Variants in ZBTB20 observed in about 807,000 individuals in gnomAD.
ZBTB20 encodes zinc finger and BTB domain-containing protein 20.
ZBTB20 carries 9 observed loss-of-function variants against 56.9 expected under a neutral mutation model. The ratio of observed to expected loss-of-function variants is 0.16; its 90% CI spans 0.10 to 0.28. ZBTB20 has a LOEUF of 0.28. Among genes scored for constraint, ZBTB20 ranks in the 10% least tolerant of loss-of-function variants. ZBTB20 has a pLI of 1.00. For missense variants in ZBTB20, 655 were observed against 1,003.0 expected (o/e 0.65, Z 4.69); for synonymous variants, 417 against 420.7 (o/e 0.99, Z 0.11).
chr3:114,887,377 C>T (rs1022048939), intron 4 of ZBTB20, among the ~76,000 whole-genome samples: 2 of 152,144 alleles, frequency 1.3e-5, no homozygotes, highest in Non-Finnish European at 2.9e-5. Flanking sequence ...ATTTCATGTT[C>T]ACCTGGAACC....
chr3:114,878,472 T>TA (rs1271306693), intron 4 of ZBTB20, among the ~76,000 whole-genome samples: 1 of 151,462 alleles, frequency 6.6e-6, no homozygotes, highest in African/African-American at 2.4e-5. Flanking sequence ...AGGGAAATGG[T>TA]AAAATAGATG....
At chr3:114,423,120 A>G (rs1034327580) in intron 7 of ZBTB20, among the ~76,000 whole-genome samples, 1 of 152,186 alleles carries the variant, frequency 6.6e-6, no homozygotes, top group African/African-American at 2.4e-5. Flanking sequence ...GATTTAACCA[A>G]TGTCTAAACT....
chr3:114,981,239 C>A (rs901995196), intron 2 of ZBTB20, among the ~76,000 whole-genome samples: 2 of 151,920 alleles, frequency 1.3e-5, no homozygotes, highest in Non-Finnish European at 2.9e-5. Context: ...CATACAGTAA[C>A]CCCCAGGACA....
At chr3:114,496,741 A>G (rs1476403473) in intron 7 of ZBTB20, among the ~76,000 whole-genome samples, 2 of 152,368 alleles carry the variant, frequency 1.3e-5, no homozygotes, top group Non-Finnish European at 2.9e-5. Context: ...ATAAGTTGCA[A>G]TTCAGTTCAA....
chr3:115,019,633 T>C (rs2080124946), intron 2 of ZBTB20, among the ~76,000 whole-genome samples: 1 of 151,250 alleles, frequency 6.6e-6, no homozygotes, highest in Admixed American at 6.6e-5. Context: ...AAAAGTTATA[T>C]TACAAAATTA....
At chr3:115,018,874 T>C (rs1046621789) in intron 2 of ZBTB20, among the ~76,000 whole-genome samples, 1 of 151,298 alleles carries the variant, frequency 6.6e-6, no homozygotes, top group African/African-American at 2.4e-5. Context: ...TGCAGTAAAT[T>C]GGTAGTGAAT....
At chr3:114,342,402 A>G (rs1283769653) in intron 11 of ZBTB20, among the ~76,000 whole-genome samples, 1 of 152,190 alleles carries the variant, frequency 6.6e-6, no homozygotes, top group East Asian at 1.9e-4. Context: ...GATTTGTCAG[A>G]AGGGGACACA....
chr3:114,829,452 T>C (rs1046199273), intron 4 of ZBTB20, among the ~76,000 whole-genome samples: 3 of 151,894 alleles, frequency 2.0e-5, no homozygotes, highest in African/African-American at 7.2e-5. Context: ...TATATTAATC[T>C]CTGTATCACA....
chr3:114,363,817 G>A (rs976138847), intron 10 of ZBTB20, among the ~76,000 whole-genome samples: 1 of 152,226 alleles, frequency 6.6e-6, no homozygotes, highest in Non-Finnish European at 1.5e-5. Flanking sequence ...CAGACACTGA[G>A]TCTGACACAC....
chr3:114,341,596 A>G (rs1184626405), intron 11 of ZBTB20, among the ~76,000 whole-genome samples: 1 of 152,068 alleles, frequency 6.6e-6, no homozygotes, highest in Non-Finnish European at 1.5e-5. Context: ...TGAAGACTTT[A>G]TTTTCACACT....
intron 6 of ZBTB20, among the ~76,000 whole-genome samples, chr3:114,563,691 A>C (rs2052372933): frequency 6.6e-6 from 1 of 152,208 alleles, no homozygotes; most frequent in Non-Finnish European, 1.5e-5. Context: ...ATAGGGTTGA[A>C]CTTGCCCATG....
chr3:114,790,766 T>A (rs555293365), intron 5 of ZBTB20, among the ~76,000 whole-genome samples: 2 of 151,762 alleles, frequency 1.3e-5, no homozygotes, highest in South Asian at 4.2e-4. Flanking sequence ...AGGGGAGACA[T>A]AACAGTAAGT....
At chr3:114,629,025 C>A (rs2058791295) in intron 6 of ZBTB20, among the ~76,000 whole-genome samples, 1 of 152,118 alleles carries the variant, frequency 6.6e-6, no homozygotes, top group Non-Finnish European at 1.5e-5. Flanking sequence ...TTGATGAAAA[C>A]CAACAAAAAC....
chr3:114,864,078 T>TA (rs2107504730), intron 4 of ZBTB20, among the ~76,000 whole-genome samples: 1 of 152,216 alleles, frequency 6.6e-6, no homozygotes, highest in South Asian at 2.1e-4. Context: ...AATCAAGAAC[T>TA]AGATACAGGT....
chr3:114,612,137 G>C (rs1181912944), intron 6 of ZBTB20, among the ~76,000 whole-genome samples: 1 of 152,052 alleles, frequency 6.6e-6, no homozygotes, highest in Non-Finnish European at 1.5e-5. Flanking sequence ...CTTTCCAAAA[G>C]ACCTTTTATT....
rs569490001 is a variant in ZBTB20 at position 114,659,717 on chromosome 3, T to G, written c.-295+33811A>C. 1.5e-4 allele frequency among the ~76,000 whole-genome samples: 23 copies of G among 152,296 alleles called. 1 individual carries two copies. Among genetic ancestry groups the G allele is most frequent in the South Asian group, 6.2e-4 (3 of 4,822 alleles). On this transcript the variant is annotated intron_variant, in intron 6 of 11. Transcript: ENST00000675478. The stretch of plus-strand genomic sequence containing the variant: ...GTTTGAAAACGAAGGCATTTTTCTT[T>G]TAGGGAGAACAGTCTTTCAGTGATT...
At chr3:114,538,573 T>A (rs1055080714) in intron 6 of ZBTB20, among the ~76,000 whole-genome samples, 6 of 152,134 alleles carry the variant, frequency 3.9e-5, no homozygotes, top group Non-Finnish European at 7.4e-5. Flanking sequence ...CTACTCTATT[T>A]CACAGTAATA....
At chr3:114,362,124 T>G (rs1184975520) in intron 10 of ZBTB20, among the ~76,000 whole-genome samples, 1 of 152,216 alleles carries the variant, frequency 6.6e-6, no homozygotes, top group Non-Finnish European at 1.5e-5. Context: ...TTTAATTTTC[T>G]TTAGAAAAAT....
intron 1 of ZBTB20, among the ~76,000 whole-genome samples, chr3:115,142,640 C>T (rs1029684668): frequency 1.4e-5 from 2 of 145,080 alleles, no homozygotes; most frequent in East Asian, 2.0e-4. Context: ...TCCAGCCTGG[C>T]GACAGAGCAA....
Sources: allele counts gnomAD v4.1 joint callset (sites outside exome capture counted in the v4.1 genomes callset), GRCh38; gene constraint gnomAD v4.1.1; transcripts MANE v1.5; gene names NCBI Gene and HGNC (gene_info 2026-07-23, HGNC 2026-07-21).